The following PRRC2C variants were observed in gnomAD, a reference collection of about 807,000 sequenced individuals.
PRRC2C encodes the protein protein PRRC2C.
Under a neutral mutation model 317.2 loss-of-function variants are expected in PRRC2C, and 72 were observed. The observed-to-expected ratio is 0.23, with a 90% CI of 0.19 to 0.28. PRRC2C has a LOEUF of 0.28. PRRC2C is among the 10% of genes least tolerant of loss of function. The pLI, the probability that PRRC2C is intolerant of heterozygous loss-of-function variation, is 1.00. For synonymous variants in PRRC2C, 1,296 were observed against 1,205.9 expected (o/e 1.07, Z -1.55); for missense variants, 3,074 against 3,459.7 (o/e 0.89, Z 2.80).
At chr1:171,584,721 C>T (rs1315518851) in intron 30 of PRRC2C, among the ~76,000 whole-genome samples, 195 bp downstream of exon 30, 2 of 152,078 alleles carry the variant, frequency 1.3e-5, no homozygotes, top group African/African-American at 4.8e-5. Context: ...CCCTTCTCAC[C>T]ACCATCACCC....
chr1:171,568,245 A>T lies in PRRC2C; in HGVS notation c.6559-2A>T. 1.2e-6 allele frequency: 2 copies of T among 1,601,288 alleles called. No homozygotes were observed. The highest frequency in any genetic ancestry group is 1.7e-6 in the Non-Finnish European group (2 of 1,173,510). ...TATTTTTTTTCTATTACTACTTCAC[A>T]GGAGTCTGTAACAGACTATACTACA... On this transcript the variant is annotated splice_acceptor_variant, in intron 22 of 34. Transcript: ENST00000647382. LOFTEE classifies it high-confidence loss of function.
At chr1:171,551,865 A>C (rs910365483) in intron 18 of PRRC2C, among the ~76,000 whole-genome samples, 3 of 151,932 alleles carry the variant, frequency 2.0e-5, no homozygotes, top group Non-Finnish European at 2.9e-5. Context: ...GTTACTGTAG[A>C]CTTGTAGTGT....
At chr1:171,501,328 G>A (rs544400563) in intron 1 of PRRC2C, among the ~76,000 whole-genome samples, 3 of 152,016 alleles carry the variant, frequency 2.0e-5, no homozygotes, top group Admixed American at 1.3e-4. Context: ...ACAGAGTTTT[G>A]TCATGTTGCC....
At chr1:171,555,273 A>G (rs1458143836) in intron 18 of PRRC2C, among the ~76,000 whole-genome samples, 1 of 152,148 alleles carries the variant, frequency 6.6e-6, no homozygotes, top group African/African-American at 2.4e-5. Flanking sequence ...AAGCTTGGGC[A>G]TGTGTCACGT....
At position 171,592,068 on chromosome 1, in the gene PRRC2C, T is replaced by G; in HGVS notation, c.*221T>G. 5 of 463,476 alleles carry G rather than the reference T, an allele frequency of 1.1e-5. No homozygotes were observed. The highest frequency in any genetic ancestry group is 7.5e-6 in the Non-Finnish European group (2 of 267,474). 28.7% of individuals were successfully genotyped at this position (463,476 alleles called of 1,614,324 possible). ...TTGTACCTACTATATAACATGTGCT[T>G]GGTTGATGGCCATGCATCTTCAGTC... On this transcript the variant is annotated 3_prime_UTR_variant, in exon 35 of 35. Transcript: ENST00000647382.
intron 34 of PRRC2C, chr1:171,591,193 T>C: frequency 1.0e-6 from 1 of 998,846 alleles, no homozygotes. Flanking sequence ...AGACATTTGG[T>C]CCTAGGTGTT....
At chr1:171,529,078 C>T (rs903320576) in intron 11 of PRRC2C, among the ~76,000 whole-genome samples, 1 of 152,168 alleles carries the variant, frequency 6.6e-6, no homozygotes, top group African/African-American at 2.4e-5. Flanking sequence ...ACTTGAGCCA[C>T]CATCCCTGGC....
chr1:171,570,743 A>G (rs955590965), intron 23 of PRRC2C, among the ~76,000 whole-genome samples: 2 of 152,180 alleles, frequency 1.3e-5, no homozygotes, highest in African/African-American at 4.8e-5. Context: ...TCTTCCCAAG[A>G]TTACTTTTGT....
intron 2 of PRRC2C, 57 bp downstream of exon 2, chr1:171,512,257 GAT>G (rs2102249129): frequency 8.3e-7 from 1 of 1,198,380 alleles, no homozygotes; most frequent in East Asian, 2.6e-5. Context: ...TACTATAAGT[GAT>G]ACACCTGCTG....
chr1:171,587,953 T>G (rs1650428476), intron 32 of PRRC2C, among the ~76,000 whole-genome samples: 1 of 152,194 alleles, frequency 6.6e-6, no homozygotes, highest in Admixed American at 6.5e-5. Context: ...GTAAATTCTT[T>G]TGTTACAGAG....
chr1:171,522,136 G>A (rs746907740), intron 6 of PRRC2C, 41 bp from the exon 7 acceptor site: 1 of 1,154,760 alleles, frequency 8.7e-7, no homozygotes, highest in Non-Finnish European at 1.2e-6. Context: ...AAAATAACTA[G>A]GTTGCTAAAT....
At chr1:171,586,063 A>AGTTTTTTTT (rs1649853055) in intron 30 of PRRC2C, among the ~76,000 whole-genome samples, 1 of 83,032 alleles carries the variant, frequency 1.2e-5, no homozygotes, top group Non-Finnish European at 2.2e-5. Context: ...TCAGGTGTTG[A>AGTTTTTTTT]TTTTTTTTTT....
chr1:171,554,002 G>A (rs1026732277), intron 18 of PRRC2C, among the ~76,000 whole-genome samples: 26 of 152,338 alleles, frequency 1.7e-4, no homozygotes, highest in Admixed American at 2.0e-4. Flanking sequence ...GCAGAGCTGA[G>A]TTCAAGTCCT....
rs779094104 is a variant in PRRC2C, at chr1:171,542,265, C to G, written c.4763+36C>G. 2.8e-6 allele frequency: 4 copies of G among 1,438,784 alleles called. No individual in the cohort carries two copies. In the East Asian group the frequency reaches 7.4e-5, roughly 27 times the overall value. 89.1% of individuals were successfully genotyped at this position (1,438,784 alleles called of 1,614,324 possible). On this transcript the variant is annotated intron_variant, in intron 16 of 34. Transcript: ENST00000647382. ...TGTTTTAAATATAGTTGCTTTTGCACCTTTAAAGAAGCTAAAAGTAGAGTT... is the reference window on the plus strand; with the variant it reads ...TGTTTTAAATATAGTTGCTTTTGCAGCTTTAAAGAAGCTAAAAGTAGAGTT...
chr1:171,535,781 T>A (rs1020670475), intron 13 of PRRC2C, among the ~76,000 whole-genome samples, 184 bp downstream of exon 13: 13 of 152,248 alleles, frequency 8.5e-5, no homozygotes, highest in Non-Finnish European at 1.5e-4. Flanking sequence ...CCTTTTGATC[T>A]TCTGCCTCAT....
chr1:171,523,400 C>A, intron 8 of PRRC2C, 35 bp from the exon 9 acceptor site: 1 of 1,613,658 alleles, frequency 6.2e-7, no homozygotes, highest in South Asian at 1.1e-5. Flanking sequence ...TAGATGCTTT[C>A]AAGCAGCCAG....
intron 16 of PRRC2C, 147 bp downstream of exon 16, chr1:171,542,376 G>C: frequency 1.3e-6 from 1 of 797,670 alleles, no homozygotes; most frequent in Non-Finnish European, 1.9e-6. Flanking sequence ...TGTTCTCAAA[G>C]TGTAAGGGTG....
chr1:171,555,031 C>T lies in PRRC2C; in HGVS notation c.5128-2209C>T, dbSNP rs542303777. Among the ~76,000 whole-genome samples the T allele has an allele frequency of 3.9e-5, 6 of 152,320 alleles. No individual in the cohort carries two copies. The South Asian group carries it at 1.2e-3, about 32-fold the overall frequency. The stretch of plus-strand genomic sequence containing the variant: ...CCTGCCTTGCTAGGTTGGGGAAGTT[C>T]TCCTGGATAATATCCGGAAGAATGT... On this transcript the variant is annotated intron_variant, in intron 18 of 34. Transcript: ENST00000647382.
At position 171,514,572 on chromosome 1, in the gene PRRC2C, G is replaced by T; in HGVS notation, c.327G>T (p.Gly109=). The T allele has an allele frequency of 6.4e-7, 1 of 1,559,890 alleles. No homozygotes were observed. Among genetic ancestry groups the T allele is most frequent in the East Asian group, 2.4e-5 (1 of 41,436 alleles). ...TGCCACCAGCACAGCCAAAACCTGG[G>T]GTTGCAGCTCCCCCAGAAGTAGCAC... is the stretch of plus-strand genomic sequence containing the variant. ...PEVPPAQPKP[G]VAAPPEVAPA... is the part of the protein sequence containing the mutation. Residue 109 remains glycine (G), a synonymous_variant, in exon 4 of 35, where the codon GGG becomes GGT. Transcript: ENST00000647382.
Sources: allele counts gnomAD v4.1 joint callset (sites outside exome capture counted in the v4.1 genomes callset), GRCh38; gene constraint gnomAD v4.1.1; transcripts MANE v1.5; gene names NCBI Gene and HGNC (gene_info 2026-07-23, HGNC 2026-07-21).